Variants in SYN3 observed in about 807,000 individuals in gnomAD.
The protein encoded by SYN3 is synapsin-3.
In SYN3, 35 loss-of-function variants were observed where a neutral mutation model predicts 65.8. That is an observed-to-expected ratio of 0.53 (90% CI 0.41 to 0.70). The LOEUF (loss-of-function observed/expected upper bound fraction) is 0.70. Among genes scored for constraint, SYN3 ranks in the 30% least tolerant of loss-of-function variants. The pLI is 0.00. For missense variants in SYN3, 680 were observed against 749.0 expected (o/e 0.91, Z 1.08); for synonymous variants, 270 against 292.9 (o/e 0.92, Z 0.80).
At chr22:32,876,646 A>G (rs1468179363) in intron 4 of SYN3, among the ~76,000 whole-genome samples, 1 of 152,166 alleles carries the variant, frequency 6.6e-6, no homozygotes, top group Non-Finnish European at 1.5e-5. Context: ...GAAAAAAACA[A>G]TGAGGTTATC....
At chr22:32,682,763 T>TC (rs11369250) in intron 6 of SYN3, among the ~76,000 whole-genome samples, 152,292 of 152,294 alleles carry the variant, frequency 1, 76,145 homozygotes, top group Middle Eastern at 1. Flanking sequence ...ATGTTATTTT[T>TC]CACCAATAGG....
chr22:32,791,520 T>G (rs937859267), intron 6 of SYN3, among the ~76,000 whole-genome samples: 5 of 151,674 alleles, frequency 3.3e-5, no homozygotes, highest in Non-Finnish European at 7.4e-5. Context: ...GGTACAGGCA[T>G]TCTGGGAAGA....
intron 6 of SYN3, among the ~76,000 whole-genome samples, chr22:32,756,079 G>A (rs1448153425): frequency 6.6e-6 from 1 of 151,972 alleles, no homozygotes; most frequent in Non-Finnish European, 1.5e-5. Flanking sequence ...GGGGGTTGGG[G>A]GGCTTGGGGA....
chr22:32,709,630 C>G lies in SYN3; in HGVS notation c.712-112894G>C, dbSNP rs2060928765. On this transcript the variant is annotated intron_variant, in intron 6 of 13. Transcript: ENST00000358763. Reference sequence around the variant, plus strand: ...TACAAAACATTCAGAAAAACCCAAACAGTTTAAAAAAGGAATATCACCTCC... The same window carrying G: ...TACAAAACATTCAGAAAAACCCAAAGAGTTTAAAAAAGGAATATCACCTCC... Among the ~76,000 whole-genome samples, 5 of 152,022 alleles carry G rather than the reference C, an allele frequency of 3.3e-5. No individual in the cohort carries two copies. The South Asian group carries it at 1.0e-3, about 32-fold the overall frequency.
intron 2 of SYN3, among the ~76,000 whole-genome samples, chr22:32,992,625 C>G (rs1010217484): frequency 2.0e-5 from 3 of 152,076 alleles, no homozygotes; most frequent in Non-Finnish European, 4.4e-5. Flanking sequence ...CCAGCCTGAC[C>G]AATATAGTGG....
intron 7 of SYN3, among the ~76,000 whole-genome samples, chr22:32,587,222 C>T (rs1454089446): frequency 1.2e-5 from 1 of 86,442 alleles, no homozygotes; most frequent in Admixed American, 1.3e-4. Flanking sequence ...GCTCTTATCT[C>T]AAAAAAAAAA....
intron 6 of SYN3, chr22:32,858,203 TCCCAATGCA>T: frequency 6.3e-7 from 1 of 1,599,930 alleles, no homozygotes; most frequent in Non-Finnish European, 8.5e-7. Flanking sequence ...AAACATCAGC[TCCCAATGCA>T]CTGGGTGCCA....
At chr22:32,687,013 C>T (rs973305049) in intron 6 of SYN3, among the ~76,000 whole-genome samples, 13 of 152,088 alleles carry the variant, frequency 8.5e-5, no homozygotes, top group Admixed American at 3.9e-4. Flanking sequence ...CAGAACTGAC[C>T]ATTGCAGTGC....
At chr22:32,796,290 A>G (rs2046425877) in intron 6 of SYN3, among the ~76,000 whole-genome samples, 1 of 152,200 alleles carries the variant, frequency 6.6e-6, no homozygotes, top group African/African-American at 2.4e-5. Flanking sequence ...CACCCTAGAT[A>G]ACACAGGATA....
intron 6 of SYN3, among the ~76,000 whole-genome samples, chr22:32,722,632 G>T (rs1353408220): frequency 6.6e-6 from 1 of 152,188 alleles, no homozygotes; most frequent in Non-Finnish European, 1.5e-5. Flanking sequence ...TTTCCCACGG[G>T]GCTCCACCCG....
At position 32,780,312 on chromosome 22, in the gene SYN3, A is replaced by C. The variant is rs571261033; in HGVS notation, c.711+84603T>G. On this transcript the variant is annotated intron_variant, in intron 6 of 13. Coordinates refer to ENST00000358763, the MANE Select transcript of SYN3 (RefSeq NM_003490.4). Reference sequence around the variant, plus strand: ...GGGAGGTGAATGAGAGAAGTGTCTCAGGAGTGTTGTTCTGGGGGCTAAAAT... The same window carrying C: ...GGGAGGTGAATGAGAGAAGTGTCTCCGGAGTGTTGTTCTGGGGGCTAAAAT... Among the ~76,000 whole-genome samples, 433 of 152,224 alleles carry C rather than the reference A, an allele frequency of 2.8e-3. 4 individuals are homozygous for C. The highest frequency in any genetic ancestry group is 0.01 in the African/African-American group (416 of 41,540).
At position 33,006,419 on chromosome 22, in the gene SYN3, C is replaced by G. The variant is rs111676476; in HGVS notation, c.244G>C (p.Gly82Arg). The change falls in exon 2 of 14, where the codon GGT (glycine) becomes CGT (arginine). Residue 82 changes from glycine (G) to arginine (R), a missense_variant. Physicochemically the swap from Gly to Arg is moderately radical, Grantham distance 125 (BLOSUM62 -2). Transcript: ENST00000358763. ...QATSGLMEPP[G>R]PSTPIVQRPR... ...CTTTGAACAATGGGCGTGGAGGGAC[C>G]TGGAGGCTCCATCAGTCCTGAGGTG... 4 of 1,614,158 alleles carry G rather than the reference C, an allele frequency of 2.5e-6. No homozygotes were observed. Among genetic ancestry groups the G allele is most frequent in the Non-Finnish European group, 3.4e-6 (4 of 1,180,014 alleles).
chr22:32,865,804 C>T lies in SYN3; in HGVS notation c.622-800G>A, dbSNP rs143337021. 1.4e-3 allele frequency among the ~76,000 whole-genome samples: 208 copies of T among 152,250 alleles called. 2 individuals carry two copies. The East Asian group carries it at 0.028, about 21-fold the overall frequency. The stretch of plus-strand genomic sequence containing the variant: ...GCAAGGCCTGAAGGAAGACAGGCTG[C>T]AGGTGCATGGCTGTGACACTAATAT... On this transcript the variant is annotated intron_variant, in intron 5 of 13. Coordinates refer to ENST00000358763, the MANE Select transcript of SYN3 (RefSeq NM_003490.4).
At chr22:32,610,589 T>C (rs1464810930) in intron 6 of SYN3, among the ~76,000 whole-genome samples, 5 of 146,012 alleles carry the variant, frequency 3.4e-5, no homozygotes, top group African/African-American at 1.1e-4. Flanking sequence ...TGTTTTGTTT[T>C]GTTTTGTTTT....
chr22:33,006,099 G>C (rs893344104), intron 2 of SYN3, among the ~76,000 whole-genome samples: 1 of 152,162 alleles, frequency 6.6e-6, no homozygotes, highest in African/African-American at 2.4e-5. Context: ...GAGTGTGTTG[G>C]ATTTGGGATT....
chr22:32,661,588 T>C (rs1375490916), intron 6 of SYN3, among the ~76,000 whole-genome samples: 1 of 152,162 alleles, frequency 6.6e-6, no homozygotes, highest in African/African-American at 2.4e-5. Flanking sequence ...CAGAAACATG[T>C]GGTTTTCATC....
At chr22:32,893,694 T>C (rs776984278) in intron 4 of SYN3, among the ~76,000 whole-genome samples, 5 of 152,128 alleles carry the variant, frequency 3.3e-5, no homozygotes, top group Non-Finnish European at 5.9e-5. Context: ...CTGTATATGC[T>C]ATTCCTTTGG....
intron 6 of SYN3, among the ~76,000 whole-genome samples, chr22:32,757,294 C>CTT (rs148259174): frequency 1.8e-5 from 2 of 113,158 alleles, no homozygotes; most frequent in Non-Finnish European, 3.5e-5. Flanking sequence ...CTCCTCCTAC[C>CTT]TTTTTTTTTT....
chr22:32,552,664 A>G (rs2146307275), intron 7 of SYN3, among the ~76,000 whole-genome samples: 1 of 152,280 alleles, frequency 6.6e-6, no homozygotes, highest in Admixed American at 6.5e-5. Flanking sequence ...TTGATCAGTA[A>G]CATGATTCAG....
Sources: gnomAD v4.1 joint callset for allele counts (sites outside exome capture counted in the v4.1 genomes callset) on GRCh38, gnomAD v4.1.1 for gene constraint, MANE v1.5 for transcripts, NCBI Gene and HGNC (gene_info 2026-07-23, HGNC 2026-07-21) for gene names.